CUX1: variants seen among roughly 807,000 people sequenced by gnomAD.
CUX1 encodes the protein protein CASP.
CUX1 carries 31 observed loss-of-function variants against 158.8 expected under a neutral mutation model. That is an observed-to-expected ratio of 0.20 (90% CI 0.15 to 0.26). CUX1 has a LOEUF of 0.26. CUX1 is among the 10% of genes least tolerant of loss of function. The probability of loss-of-function intolerance (pLI) is 1.00; values close to 1 mark genes in which losing one functional copy is unlikely to be tolerated. For synonymous variants in CUX1, 879 were observed against 862.1 expected, an observed-to-expected ratio of 1.02 and a Z score of -0.34; for missense variants, 1,589 against 2,014.6, an observed-to-expected ratio of 0.79 and a Z score of 4.04.
chr7:102,034,989 ATCTT>A (rs1821258831), intron 3 of CUX1, among the ~76,000 whole-genome samples: 1 of 151,842 alleles, frequency 6.6e-6, no homozygotes, highest in East Asian at 1.9e-4. Context: ...AGAGGGAAAC[ATCTT>A]AGGAATAGAG....
At chr7:102,064,792 G>A (rs117032571) in intron 3 of CUX1, among the ~76,000 whole-genome samples, 3,868 of 152,074 alleles carry the variant, frequency 0.025, 96 homozygotes, top group Admixed American at 0.036. Context: ...TCCCCTCCTC[G>A]TGCAGAGGAG....
chr7:102,070,764 C>T (rs1418797760), intron 4 of CUX1, among the ~76,000 whole-genome samples: 1 of 152,074 alleles, frequency 6.6e-6, no homozygotes, highest in African/African-American at 2.4e-5. Context: ...CTCATATTGC[C>T]CAAAGCCACC....
intron 3 of CUX1, among the ~76,000 whole-genome samples, chr7:102,064,638 C>T (rs1825335018): frequency 6.6e-6 from 1 of 152,094 alleles, no homozygotes; most frequent in Non-Finnish European, 1.5e-5. Context: ...TCCCTCCCTC[C>T]CACGGATGCT....
intron 2 of CUX1, among the ~76,000 whole-genome samples, chr7:102,018,832 G>C (rs28552411): frequency 0.42 from 64,211 of 151,830 alleles, 14,186 homozygotes; most frequent in Non-Finnish European, 0.46. Flanking sequence ...ACAAACACAC[G>C]AGCCGCTGGT....
At chr7:102,283,626 C>T (rs1792283901) in exon 23 of CUX1, 1 of 154,902 alleles carries the variant, frequency 6.5e-6, no homozygotes, top group Admixed American at 6.3e-5. Flanking sequence ...AGTCTGCCCC[C>T]TCCCCCACTG....
At chr7:101,914,089 A>G (rs1217205572) in intron 1 of CUX1, among the ~76,000 whole-genome samples, 1 of 146,236 alleles carries the variant, frequency 6.8e-6, no homozygotes, top group East Asian at 2.0e-4. Flanking sequence ...CTTAACTGGG[A>G]TGTGTTTCAA....
intron 2 of CUX1, among the ~76,000 whole-genome samples, chr7:101,963,297 G>A (rs1330563209): frequency 6.6e-6 from 1 of 152,200 alleles, no homozygotes. Context: ...TTGGGTGGGG[G>A]AGGAATCACA....
chr7:102,262,571 C>T (rs1431543498), downstream of CUX1, among the ~76,000 whole-genome samples: 1 of 152,214 alleles, frequency 6.6e-6, no homozygotes. Flanking sequence ...ACTGGCTGGC[C>T]CTGCCAGGGT....
intron 1 of CUX1, among the ~76,000 whole-genome samples, chr7:101,843,430 T>C (rs1488425932): frequency 1.3e-5 from 2 of 152,208 alleles, no homozygotes; most frequent in East Asian, 1.9e-4. Context: ...AAAAAAGCTT[T>C]TCTTGTAATG....
intron 14 of CUX1, among the ~76,000 whole-genome samples, chr7:102,263,240 G>A (rs1792237552): frequency 6.7e-6 from 1 of 149,648 alleles, no homozygotes; most frequent in South Asian, 2.1e-4. Context: ...GTCTCAAACT[G>A]CTGATCTCAA....
chr7:102,185,595 G>T (rs1432673265), intron 11 of CUX1, among the ~76,000 whole-genome samples: 1 of 149,214 alleles, frequency 6.7e-6, no homozygotes, highest in African/African-American at 2.5e-5. Context: ...AATGTTTTGG[G>T]GTTTTTTTTT....
rs1362904184 is a variant in CUX1 at position 102,255,391 on chromosome 7, A to AC, written c.*6349_*6350insC. 1.0e-6 allele frequency: 1 copy of AC among 984,666 alleles called. No homozygotes were observed. The highest frequency in any genetic ancestry group is 1.2e-6 in the Non-Finnish European group (1 of 829,764). 61.0% of individuals were successfully genotyped at this position (984,666 alleles called of 1,614,324 possible). A position where few individuals can be genotyped will look rare whatever the true frequency, so the allele number is the denominator to read the frequency against. ...CATTGTAGGCGAAAAATCCCAAAAA[A>AC]AAAAAAAGACAAAAAAAAAAGGCTG... On this transcript the variant is annotated 3_prime_UTR_variant, in exon 24 of 24. Coordinates refer to ENST00000292535, the MANE Select transcript of CUX1 (RefSeq NM_181552.4).
At chr7:102,173,590 C>T (rs1227409265) in intron 10 of CUX1, among the ~76,000 whole-genome samples, 2 of 152,074 alleles carry the variant, frequency 1.3e-5, no homozygotes, top group African/African-American at 4.8e-5. Flanking sequence ...TTCCCCTGGC[C>T]CCTGGGGTCC....
chr7:102,111,381 G>T (rs1348939248), intron 6 of CUX1, among the ~76,000 whole-genome samples: 2 of 152,122 alleles, frequency 1.3e-5, no homozygotes, highest in Non-Finnish European at 2.9e-5. Context: ...ATGAGTGCAT[G>T]ATGATGATTT....
At chr7:101,987,143 A>G (rs960211016) in intron 2 of CUX1, among the ~76,000 whole-genome samples, 2 of 152,176 alleles carry the variant, frequency 1.3e-5, no homozygotes, top group African/African-American at 4.8e-5. Context: ...TGGGTAGCCC[A>G]TGGGTAGAGT....
chr7:102,249,165 C>T lies in CUX1; in HGVS notation c.*123C>T, dbSNP rs1330187196. 2.7e-5 allele frequency: 31 copies of T among 1,143,884 alleles called. No individual in the cohort carries two copies. Among genetic ancestry groups the T allele is most frequent in the East Asian group, 4.1e-5 (1 of 24,122 alleles). 70.9% of individuals were successfully genotyped at this position (1,143,884 alleles called of 1,614,324 possible). ...CCCGCGGCCTGCACCGACCCCGGGC[C>T]GGACCTGAGCCCGCAGCCCAGACCC... On this transcript the variant is annotated 3_prime_UTR_variant, in exon 24 of 24. Transcript: ENST00000292535.
In CUX1 at chr7:101,980,340, T is replaced by TA. The variant is rs112895624; in HGVS notation, c.142-47758_142-47757insA. On this transcript the variant is annotated intron_variant, in intron 2 of 23. Coordinates refer to ENST00000292535, the MANE Select transcript of CUX1 (RefSeq NM_181552.4). Reference sequence around the variant, plus strand: ...GGGCAACATAGCAAGACCCTGTTTCTCCAAAAAAAATGTTTAAAAAGTAGC... The same window carrying TA: ...GGGCAACATAGCAAGACCCTGTTTCTACCAAAAAAAATGTTTAAAAAGTAGC... Among the ~76,000 whole-genome samples, 10 of 151,912 alleles carry TA rather than the reference T, an allele frequency of 6.6e-5. 1 individual carries two copies. Among genetic ancestry groups the TA allele is most frequent in the African/African-American group, 2.4e-4 (10 of 41,420 alleles).
chr7:102,008,474 C>G (rs373941270), intron 2 of CUX1, among the ~76,000 whole-genome samples: 23 of 152,204 alleles, frequency 1.5e-4, no homozygotes, highest in Middle Eastern at 3.4e-3. Flanking sequence ...GCCTGTCTTT[C>G]GGCACATTTC....
intron 2 of CUX1, among the ~76,000 whole-genome samples, chr7:101,927,963 GCC>G (rs1563020930): frequency 6.6e-6 from 1 of 152,074 alleles, no homozygotes; most frequent in African/African-American, 2.4e-5. Flanking sequence ...GTCTGCCCCC[GCC>G]CCTTGCTGAA....
Sources: allele counts gnomAD v4.1 joint callset (sites outside exome capture counted in the v4.1 genomes callset), GRCh38; gene constraint gnomAD v4.1.1; transcripts MANE v1.5; gene names NCBI Gene and HGNC (gene_info 2026-07-23, HGNC 2026-07-21).